MGAM2: variants seen among roughly 807,000 people sequenced by gnomAD.
The protein encoded by MGAM2 is maltase-glucoamylase 2 (putative), also known as probable maltase-glucoamylase 2.
MGAM2 carries 98 observed loss-of-function variants against 96.1 expected under a neutral mutation model. The observed-to-expected ratio is 1.02, with a 90% CI of 0.87 to 1.21. MGAM2 has a LOEUF of 1.21. Among genes scored for constraint, MGAM2 ranks in the 50% most tolerant of loss-of-function variants. The pLI is 0.00. For synonymous variants in MGAM2, 749 were observed against 414.8 expected (o/e 1.81, Z -9.79); for missense variants, 2,055 against 1,182.4 (o/e 1.74, Z -10.82).
intron 1 of MGAM2, among the ~76,000 whole-genome samples, chr7:142,114,363 T>G (rs1422870285): frequency 6.6e-6 from 1 of 151,954 alleles, no homozygotes; most frequent in Non-Finnish European, 1.5e-5. Context: ...CAGCGCCCAT[T>G]GTATTCAGCC....
intron 37 of MGAM2, among the ~76,000 whole-genome samples, chr7:142,192,491 G>C (rs1476231645): frequency 1.3e-5 from 2 of 152,188 alleles, no homozygotes; most frequent in Non-Finnish European, 2.9e-5. Flanking sequence ...TCAAACATGA[G>C]AGGGAAAATC....
At chr7:142,132,423 TTAC>T (rs1207203537) in intron 6 of MGAM2, among the ~76,000 whole-genome samples, 2 of 140,402 alleles carry the variant, frequency 1.4e-5, no homozygotes, top group East Asian at 4.1e-4. Flanking sequence ...TAATATATTA[TTAC>T]TATTAATATA....
At chr7:142,201,819 T>C (rs562995177) in intron 45 of MGAM2, among the ~76,000 whole-genome samples, 17 of 152,342 alleles carry the variant, frequency 1.1e-4, no homozygotes, top group Non-Finnish European at 1.3e-4. Context: ...GTATAGGTTA[T>C]ATGCAAATAT....
At chr7:142,172,597 T>C (rs1362354888) in intron 29 of MGAM2, 55 bp from the exon 30 acceptor site, 2 of 635,474 alleles carry the variant, frequency 3.1e-6, no homozygotes, top group Non-Finnish European at 5.6e-6. Context: ...AGGTTTTCTA[T>C]CTGGGCAATT....
At chr7:142,181,042 G>A (rs1796524648) in intron 32 of MGAM2, among the ~76,000 whole-genome samples, 1 of 152,102 alleles carries the variant, frequency 6.6e-6, no homozygotes, top group South Asian at 2.1e-4. Context: ...TGTCACTTAG[G>A]CCACTTCAGT....
At chr7:142,182,875 G>A (rs111628078) in intron 32 of MGAM2, among the ~76,000 whole-genome samples, 162 of 152,292 alleles carry the variant, frequency 1.1e-3, no homozygotes, top group African/African-American at 3.7e-3. Flanking sequence ...TTTCTCCATG[G>A]GAGAGGTGCT....
intron 3 of MGAM2, among the ~76,000 whole-genome samples, chr7:142,120,771 A>T (rs1174713066): frequency 6.6e-6 from 1 of 152,130 alleles, no homozygotes; most frequent in African/African-American, 2.4e-5. Context: ...AGTGATAGAA[A>T]ATAGATTAGC....
chr7:142,177,271 AACTCC>A (rs1205155125), intron 32 of MGAM2, among the ~76,000 whole-genome samples: 3 of 152,104 alleles, frequency 2.0e-5, no homozygotes, highest in Non-Finnish European at 4.4e-5. Flanking sequence ...TGTTCAGGGA[AACTCC>A]CCTTTTTAAA....
At chr7:142,174,027 C>T (rs953687486) in intron 31 of MGAM2, among the ~76,000 whole-genome samples, 1 of 152,038 alleles carries the variant, frequency 6.6e-6, no homozygotes, top group East Asian at 1.9e-4. Context: ...TATTATTTGC[C>T]ATTGATTTAT....
In MGAM2 at chr7:142,155,875, G is replaced by T. The variant is rs548185322; in HGVS notation, c.1923+1030G>T. Among the ~76,000 whole-genome samples, 3 of 152,316 alleles carry T rather than the reference G, an allele frequency of 2.0e-5. No homozygotes were observed. The South Asian group carries it at 6.2e-4, about 32-fold the overall frequency. ...GAAAAGTACAAAAAGGCTGGGCACG[G>T]TGGCTCACACCTGTAATCCCAGCAC... On this transcript the variant is annotated intron_variant, in intron 17 of 47. Coordinates refer to ENST00000477922, the MANE Select transcript of MGAM2 (RefSeq NM_001293626.2).
chr7:142,130,862 G>A, intron 3 of MGAM2, 86 bp from the exon 4 acceptor site: 3 of 633,542 alleles, frequency 4.7e-6, no homozygotes, highest in Non-Finnish European at 5.8e-6. Context: ...AATTCTCCTT[G>A]GAATAAAATG....
rs951045995 is a variant in MGAM2 at position 142,166,153 on chromosome 7, G to T, written c.2708G>T (p.Arg903Met). 2.8e-6 allele frequency: 2 copies of T among 702,318 alleles called. No homozygotes were observed. The highest frequency in any genetic ancestry group is 2.6e-6 in the Non-Finnish European group (1 of 384,758). 43.5% of individuals were successfully genotyped at this position (702,318 alleles called of 1,614,324 possible). The stretch of plus-strand genomic sequence containing the variant: ...GTACTGGGACAAGAATTCTCTATTA[G>T]GTGGAATCTTCCTGTCAGTGACCTG... ...GLVLGQEFSI[R>M]WNLPVSDLEK... The change falls in exon 25 of 48, where the codon AGG becomes ATG. Residue 903 changes from arginine (R) to methionine (M), a missense_variant. By Grantham distance (91) the Arg-to-Met change is moderately conservative (BLOSUM62 -1). Transcript: ENST00000477922.
chr7:142,121,796 T>C (rs958315483), intron 3 of MGAM2, among the ~76,000 whole-genome samples: 37 of 151,646 alleles, frequency 2.4e-4, no homozygotes, highest in Non-Finnish European at 1.0e-4. Flanking sequence ...ATATTAAGTA[T>C]AGAATTATAT....
In MGAM2 at chr7:142,120,288, T is replaced by C. The variant is rs1249118768; in HGVS notation, c.107-14T>C. 4.3e-6 allele frequency: 3 copies of C among 702,708 alleles called. No homozygotes were observed. Among genetic ancestry groups the C allele is most frequent in the Non-Finnish European group, 5.2e-6 (2 of 384,842 alleles). 43.5% of individuals were successfully genotyped at this position (702,708 alleles called of 1,614,324 possible). ...ACTACACATTTTCAACTTTATCCTT[T>C]AATTCCTATGCAGATACTTCATTTA... On this transcript the variant is annotated splice_polypyrimidine_tract_variant and intron_variant, in intron 2 of 47. Transcript: ENST00000477922.
intron 45 of MGAM2, among the ~76,000 whole-genome samples, chr7:142,203,175 G>A (rs759617191): frequency 2.0e-5 from 3 of 152,080 alleles, no homozygotes; most frequent in Non-Finnish European, 4.4e-5. Context: ...GAATCTGGAT[G>A]TTAGACCTTT....
intron 15 of MGAM2, among the ~76,000 whole-genome samples, chr7:142,149,776 C>T (rs1289750953): frequency 6.6e-6 from 1 of 152,008 alleles, no homozygotes; most frequent in Non-Finnish European, 1.5e-5. Context: ...CTCCTGACCT[C>T]ATGATTCACC....
intron 12 of MGAM2, among the ~76,000 whole-genome samples, chr7:142,142,584 G>T (rs1481606832): frequency 7.2e-6 from 1 of 138,520 alleles, no homozygotes; most frequent in Non-Finnish European, 1.5e-5. Context: ...AGGCTAGAGT[G>T]CAGTGGCACG....
At chr7:142,132,910 C>T (rs1585149412) in intron 6 of MGAM2, among the ~76,000 whole-genome samples, 1 of 128,002 alleles carries the variant, frequency 7.8e-6, no homozygotes, top group South Asian at 2.4e-4. Flanking sequence ...ATTTAATATA[C>T]AAATATGTCA....
intron 37 of MGAM2, among the ~76,000 whole-genome samples, chr7:142,192,812 T>C (rs950429275): frequency 6.6e-6 from 1 of 152,174 alleles, no homozygotes; most frequent in African/African-American, 2.4e-5. Flanking sequence ...CATGAATTAT[T>C]TTTTATCTTC....
Sources: allele counts gnomAD v4.1 joint callset (sites outside exome capture counted in the v4.1 genomes callset), GRCh38; gene constraint gnomAD v4.1.1; transcripts MANE v1.5; gene names NCBI Gene and HGNC (gene_info 2026-07-23, HGNC 2026-07-21).